Variants in SLC22A17 observed in about 807,000 individuals in gnomAD.
SLC22A17 encodes 24p3 receptor.
A neutral mutation model predicts 53.6 loss-of-function variants in SLC22A17; 38 were observed. That is an observed-to-expected ratio of 0.71 (90% CI 0.55 to 0.93). The LOEUF is 0.93. SLC22A17 is among the 40% of genes least tolerant of loss of function. SLC22A17 has a pLI of 0.00. For missense variants in SLC22A17, 704 were observed against 791.0 expected (o/e 0.89, Z 1.32); for synonymous variants, 379 against 353.0 (o/e 1.07, Z -0.82).
At chr14:23,351,758 G>A in exon 3 of SLC22A17, 1 of 1,612,712 alleles carries the variant, frequency 6.2e-7, no homozygotes, top group Non-Finnish European at 8.5e-7. Context: ...TCACCTGTCT[G>A]CGGGGTAACC....
intron 3 of SLC22A17, among the ~76,000 whole-genome samples, chr14:23,350,464 G>A (rs779192197): frequency 1.3e-5 from 2 of 152,188 alleles, no homozygotes; most frequent in Non-Finnish European, 2.9e-5. Flanking sequence ...CAGGGGAGAT[G>A]AGACTATTGG....
rs1271737411 is a variant in SLC22A17, at chr14:23,352,748, GACCGCAGGGGC to G, written c.-18_-8del. On this transcript the variant is annotated 5_prime_UTR_variant, in exon 1 of 10. Transcript: ENST00000397267. This position sits in a 1 kb window ranked among gnomAD's most constrained non-coding sequence, Gnocchi z 7.2. ...TGGCCACCCGGGGAGCCAGCTTGCCGACCGCAGGGGCCCTGCCGGCCCGCGCCGAAAGGATG... is the reference window on the plus strand; with the variant it reads ...TGGCCACCCGGGGAGCCAGCTTGCCGCCTGCCGGCCCGCGCCGAAAGGATG... 1 of 398,972 alleles carries G rather than the reference GACCGCAGGGGC, an allele frequency of 2.5e-6. No individual in the cohort carries two copies. 24.7% of individuals were successfully genotyped at this position (398,972 alleles called of 1,614,324 possible).
chr14:23,348,126 G>A lies in SLC22A17; in HGVS notation c.1171+35C>T, dbSNP rs1889349316. ...GCAGAGGGCACCATCATGTGTGCAA[G>A]TGAGGCAACACTCACAGGGATCCCT... is the stretch of plus-strand genomic sequence containing the variant. On this transcript the variant is annotated intron_variant, in intron 6 of 9. Coordinates refer to ENST00000397267, the Ensembl canonical transcript of SLC22A17. This position sits in a 1 kb window ranked among gnomAD's most constrained non-coding sequence, Gnocchi z 4.5. 1 of 1,613,242 alleles carries A rather than the reference G, an allele frequency of 6.2e-7. No homozygotes were observed.
exon 10 of SLC22A17, chr14:23,346,572 T>C (rs1889191065): frequency 1.4e-6 from 2 of 1,421,614 alleles, no homozygotes; most frequent in Non-Finnish European, 1.8e-6. Flanking sequence ...AGCCCTGCCT[T>C]CCCTACTCAG....
Position 23,347,022 on chromosome 14 carries a change from G to A in SLC22A17, c.1661+79C>T, listed in dbSNP as rs1211959259. ...GCAGCCCCCCTCCTCCAGCCCGCAGGCCCTGTCCTCAGGGGTGGGGTGGGG... is the reference window on the plus strand; with the variant it reads ...GCAGCCCCCCTCCTCCAGCCCGCAGACCCTGTCCTCAGGGGTGGGGTGGGG... On this transcript the variant is annotated intron_variant, in intron 9 of 9. Coordinates refer to ENST00000397267, the Ensembl canonical transcript of SLC22A17. This position sits in a 1 kb window ranked among gnomAD's most constrained non-coding sequence, Gnocchi z 5.1. The A allele has an allele frequency of 1.3e-6, 2 of 1,517,446 alleles. No individual in the cohort carries two copies. The highest frequency in any genetic ancestry group is 2.1e-5 in the Admixed American group (1 of 47,778). The allele number at this position is 1,517,446 out of a possible 1,614,324, so 94.0% of individuals were successfully genotyped here. A position where few individuals can be genotyped will look rare whatever the true frequency, so the allele number is the denominator to read the frequency against.
Position 23,347,494 on chromosome 14 carries a change from G to A in SLC22A17, c.1515C>T (p.Pro505=), listed in dbSNP as rs763009783. The change falls in exon 8 of 10, where the codon CCC becomes CCT. Residue 505 remains proline, a synonymous_variant. Coordinates refer to ENST00000397267, the Ensembl canonical transcript of SLC22A17. This position sits in a 1 kb window ranked among gnomAD's most constrained non-coding sequence, Gnocchi z 5.1. ...GGTTCCCTTGTTGAGCCCACACTGTGGGGAAGATAGGATGCTCACAATCCC... is the reference window on the plus strand; with the variant it reads ...GGTTCCCTTGTTGAGCCCACACTGTAGGGAAGATAGGATGCTCACAATCCC... The A allele has an allele frequency of 1.6e-5, 26 of 1,613,884 alleles. No individual in the cohort carries two copies. Among genetic ancestry groups the A allele is most frequent in the South Asian group, 5.5e-5 (5 of 91,062 alleles).
At position 23,348,321 on chromosome 14, in the gene SLC22A17, G is replaced by T. The variant is rs1889372632; in HGVS notation, c.1026-15C>A. 2 of 1,613,738 alleles carry T rather than the reference G, an allele frequency of 1.2e-6. No individual in the cohort carries two copies. Among genetic ancestry groups the T allele is most frequent in the Non-Finnish European group, 1.7e-6 (2 of 1,179,810 alleles). The stretch of plus-strand genomic sequence containing the variant: ...AACCAGGCCAGCTGGGGGCAGGGGG[G>T]AAGGGGTATACTGTGAGGCCTCCCT... On this transcript the variant is annotated splice_polypyrimidine_tract_variant and intron_variant, in intron 5 of 9. Coordinates refer to ENST00000397267, the Ensembl canonical transcript of SLC22A17. The surrounding 1 kb of genome is among the most constrained non-coding windows in gnomAD (Gnocchi z 4.5).
Position 23,347,438 on chromosome 14 carries a change from T to C in SLC22A17, c.1549+22A>G. On this transcript the variant is annotated intron_variant, in intron 8 of 9. Coordinates refer to ENST00000397267, the Ensembl canonical transcript of SLC22A17. The surrounding 1 kb of genome is among the most constrained non-coding windows in gnomAD (Gnocchi z 5.1). Reference sequence around the variant, plus strand: ...CTTGGGAGGCCTGTGCCAGAAGAAATGGCTGTGCCTGTCTGAAGCACCTCT... The same window carrying C: ...CTTGGGAGGCCTGTGCCAGAAGAAACGGCTGTGCCTGTCTGAAGCACCTCT... 6.2e-7 allele frequency: 1 copy of C among 1,607,480 alleles called. No homozygotes were observed. Among genetic ancestry groups the C allele is most frequent in the Non-Finnish European group, 8.5e-7 (1 of 1,175,960 alleles).
chr14:23,347,262 G>A lies in SLC22A17; in HGVS notation c.1550-50C>T, dbSNP rs753639435. On this transcript the variant is annotated intron_variant, in intron 8 of 9. Transcript: ENST00000397267. The surrounding 1 kb of genome is among the most constrained non-coding windows in gnomAD (Gnocchi z 5.1). The stretch of plus-strand genomic sequence containing the variant: ...GAATGCAGGTGGGGAGGTCAAGGCT[G>A]GCCTAGTCCCGGGTGTCATCCCCTT... 6.5e-7 allele frequency: 1 copy of A among 1,549,278 alleles called. No individual in the cohort carries two copies. Among genetic ancestry groups the A allele is most frequent in the Non-Finnish European group, 8.8e-7 (1 of 1,135,302 alleles).
Position 23,347,672 on chromosome 14 carries a change from G to A in SLC22A17, c.1337C>T (p.Ser446Leu), listed in dbSNP as rs757846010. ...CAGCAGAGAGCACAGGTAGAAGTCCGATGGGCTCCCTCCTCCTCCCACAGG... is the reference window on the plus strand; with the variant it reads ...CAGCAGAGAGCACAGGTAGAAGTCCAATGGGCTCCCTCCTCCTCCCACAGG... The change falls in exon 8 of 10, where the codon TCG becomes TTG. Residue 446 changes from serine (S) to leucine (L), a missense_variant. By Grantham distance (145) the Ser-to-Leu change is moderately radical (BLOSUM62 -2). Coordinates refer to ENST00000397267, the Ensembl canonical transcript of SLC22A17. This position sits in a 1 kb window ranked among gnomAD's most constrained non-coding sequence, Gnocchi z 5.1. 15 of 1,613,878 alleles carry A rather than the reference G, an allele frequency of 9.3e-6. No individual in the cohort carries two copies. Among genetic ancestry groups the A allele is most frequent in the African/African-American group, 5.3e-5 (4 of 74,904 alleles).
chr14:23,346,780 C>T, exon 10 of SLC22A17: 1 of 1,543,328 alleles, frequency 6.5e-7, no homozygotes, highest in Non-Finnish European at 8.7e-7. Context: ...TGCGCTTGGT[C>T]TCCGGCAGCA....
chr14:23,347,135 G>A lies in SLC22A17; in HGVS notation c.1627C>T (p.Leu543Phe). 6.2e-7 allele frequency: 1 copy of A among 1,613,926 alleles called. No individual in the cohort carries two copies. Among genetic ancestry groups the A allele is most frequent in the Non-Finnish European group, 8.5e-7 (1 of 1,179,974 alleles). ...GTGGGGATGACCTCAGCAGCAAGGA[G>A]GGTGCTGAGGATGGCGGCAGCTTGG... The change falls in exon 9 of 10, where the codon CTC (leucine) becomes TTC (phenylalanine). Residue 543 changes from leucine to phenylalanine, a missense_variant. Physicochemically the swap from Leu to Phe is conservative, Grantham distance 22. Around this residue, in one of 4 missense-constraint regions of SLC22A17, gnomAD observed 196 missense variants for 171.5 expected, o/e 1.14. Transcript: ENST00000397267. The surrounding 1 kb of genome is among the most constrained non-coding windows in gnomAD (Gnocchi z 5.1).
chr14:23,348,082 G>A lies in SLC22A17; in HGVS notation c.1171+79C>T. On this transcript the variant is annotated intron_variant, in intron 6 of 9. Coordinates refer to ENST00000397267, the Ensembl canonical transcript of SLC22A17. The surrounding 1 kb of genome is among the most constrained non-coding windows in gnomAD (Gnocchi z 4.5). ...TGGGTGGTGGGGACCCTGGGAGAAG[G>A]TGGCACAGCTACAGCCATGCAGAGG... The A allele has an allele frequency of 6.2e-7, 1 of 1,608,222 alleles. No homozygotes were observed. The highest frequency in any genetic ancestry group is 1.1e-5 in the South Asian group (1 of 90,962).
chr14:23,352,853 A>G lies in SLC22A17; in HGVS notation c.-112T>C, dbSNP rs1889734128. On this transcript the variant is annotated 5_prime_UTR_variant, in exon 1 of 10. Coordinates refer to ENST00000397267, the Ensembl canonical transcript of SLC22A17. This position sits in a 1 kb window ranked among gnomAD's most constrained non-coding sequence, Gnocchi z 7.2. The stretch of plus-strand genomic sequence containing the variant: ...ACAGCTCGAAGAGATCCCGCTCTGC[A>G]GCTCTGCAGCCGCGGGCGCCTCCTT... 1 of 397,654 alleles carries G rather than the reference A, an allele frequency of 2.5e-6. No individual in the cohort carries two copies. Among genetic ancestry groups the G allele is most frequent in the Admixed American group, 4.4e-5 (1 of 22,676 alleles). 24.6% of individuals were successfully genotyped at this position (397,654 alleles called of 1,614,324 possible). A position where few individuals can be genotyped will look rare whatever the true frequency, so the allele number is the denominator to read the frequency against.
At position 23,351,784 on chromosome 14, in the gene SLC22A17, G is replaced by A. The variant is rs376977274; in HGVS notation, c.672C>T (p.Ser224=). Residue 224 remains serine, a synonymous_variant, in exon 3 of 10, where the codon TCC becomes TCT. Coordinates refer to ENST00000397267, the Ensembl canonical transcript of SLC22A17. ...CGGGGTAACCCAGGAACAGGTAGCC[G>A]GAGGCAAAGCCCAAGATGAAGAGGA... is the stretch of plus-strand genomic sequence containing the variant. 4.0e-5 allele frequency: 64 copies of A among 1,613,598 alleles called. No individual in the cohort carries two copies. In the Admixed American group the frequency reaches 4.8e-4, roughly 12 times the overall value.
rs1566480846 is a variant in SLC22A17 at position 23,348,685 on chromosome 14, A to C, written c.860-14T>G. On this transcript the variant is annotated splice_polypyrimidine_tract_variant and intron_variant, in intron 4 of 9. Coordinates refer to ENST00000397267, the Ensembl canonical transcript of SLC22A17. This position sits in a 1 kb window ranked among gnomAD's most constrained non-coding sequence, Gnocchi z 4.5. ...ACAGCTCCAGGCCTGGAGATACAGC[A>C]GGGGTGGAGAGAGGAGAGGGAGGCC... 6.3e-7 allele frequency: 1 copy of C among 1,596,580 alleles called. No homozygotes were observed. Among genetic ancestry groups the C allele is most frequent in the Non-Finnish European group, 8.5e-7 (1 of 1,171,912 alleles).
At chr14:23,349,505 T>C in intron 3 of SLC22A17, 79 bp from the exon 4 acceptor site, 1 of 1,477,416 alleles carries the variant, frequency 6.8e-7, no homozygotes, top group East Asian at 2.4e-5. Flanking sequence ...AGCTGCACAC[T>C]TCAGAGCTAG....
rs777150704 is a variant in SLC22A17 at position 23,351,718 on chromosome 14, T to C, written c.704+34A>G. ...GGTTAGCTTCCCTAGCACCCCCTCC[T>C]TTCTACCAGCCCTGCCCCCACGACA... On this transcript the variant is annotated intron_variant, in intron 3 of 9. Coordinates refer to ENST00000397267, the Ensembl canonical transcript of SLC22A17. The C allele has an allele frequency of 9.2e-5, 146 of 1,579,518 alleles. 1 individual carries two copies. The highest frequency in any genetic ancestry group is 1.1e-4 in the Non-Finnish European group (125 of 1,163,988).
At chr14:23,351,890 C>T in intron 2 of SLC22A17, 35 bp from the exon 3 acceptor site, 1 of 1,611,376 alleles carries the variant, frequency 6.2e-7, no homozygotes, top group East Asian at 2.2e-5. Context: ...GGGCGTGAGG[C>T]CCCGCCCTCG....
Sources: allele counts gnomAD v4.1 joint callset (sites outside exome capture counted in the v4.1 genomes callset), GRCh38; gene constraint gnomAD v4.1.1; regional missense constraint gnomAD v4.1.1; non-coding constraint Gnocchi (gnomAD v3.1); transcripts MANE v1.5; gene names NCBI Gene and HGNC (gene_info 2026-07-23, HGNC 2026-07-21).